Variants in NHEJ1 observed in about 807,000 individuals in gnomAD.
The protein encoded by NHEJ1 is non-homologous end-joining factor 1.
Under a neutral mutation model 39.4 loss-of-function variants are expected in NHEJ1, and 22 were observed. The ratio of observed to expected loss-of-function variants is 0.56; its 90% CI spans 0.40 to 0.80. The LOEUF is 0.80. Ranked by LOEUF, NHEJ1 falls within the 30% of genes least tolerant of loss-of-function variation. The pLI is 0.00. For synonymous variants in NHEJ1, 154 were observed against 135.6 expected (o/e 1.14, Z -0.94); for missense variants, 329 against 357.1 (o/e 0.92, Z 0.63).
intron 5 of NHEJ1, among the ~76,000 whole-genome samples, chr2:219,120,825 C>T (rs1949464348): frequency 6.6e-6 from 1 of 152,122 alleles, no homozygotes; most frequent in African/African-American, 2.4e-5. Flanking sequence ...AATCTTAGGG[C>T]TAGCCATGTC....
At chr2:219,141,685 C>T (rs1398324323) in intron 5 of NHEJ1, among the ~76,000 whole-genome samples, 2 of 151,942 alleles carry the variant, frequency 1.3e-5, no homozygotes, top group African/African-American at 2.4e-5. Flanking sequence ...GCCAAACATG[C>T]AGAAAGAAAT....
intron 3 of NHEJ1, among the ~76,000 whole-genome samples, chr2:219,153,550 A>G (rs890263357): frequency 6.6e-6 from 1 of 152,262 alleles, no homozygotes; most frequent in Non-Finnish European, 1.5e-5. Context: ...TAGAACCCAG[A>G]GACCTGGGGC....
chr2:219,097,024 G>T (rs1011285409), intron 5 of NHEJ1, among the ~76,000 whole-genome samples: 1 of 152,120 alleles, frequency 6.6e-6, no homozygotes, highest in African/African-American at 2.4e-5. Context: ...CTTTACAATG[G>T]TGTGAAAGTG....
At chr2:219,136,350 G>A (rs1255199395) in intron 5 of NHEJ1, among the ~76,000 whole-genome samples, 1 of 144,950 alleles carries the variant, frequency 6.9e-6, no homozygotes, top group African/African-American at 2.6e-5. Context: ...GTGCAGTGAT[G>A]CAATCTTGGC....
intron 3 of NHEJ1, among the ~76,000 whole-genome samples, chr2:219,149,606 A>T (rs1276486212): frequency 3.9e-5 from 6 of 152,192 alleles, no homozygotes; most frequent in Admixed American, 3.3e-4. Flanking sequence ...ACAGAACAAG[A>T]TCCTGTCTCA....
intron 5 of NHEJ1, among the ~76,000 whole-genome samples, chr2:219,120,519 A>G (rs755945604): frequency 1.3e-5 from 2 of 152,196 alleles, no homozygotes. Context: ...CTTTCTGGCT[A>G]TGTTTTTTCC....
At position 219,158,310 on chromosome 2, in the gene NHEJ1, A is replaced by AGGTAGG; in HGVS notation, c.52_53insCCTACC (p.Gln17_Leu18insProTyr). The AGGTAGG allele has an allele frequency of 6.2e-7, 1 of 1,614,240 alleles. No individual in the cohort carries two copies. Among genetic ancestry groups the AGGTAGG allele is most frequent in the Non-Finnish European group, 8.5e-7 (1 of 1,180,054 alleles). ...CTTGGCCAAGAGGGAGTTCTCTGCA[A>AGGTAGG]GCTGTAGCCACGCCCATGGCTGCAT... On this transcript the variant is annotated inframe_insertion, in exon 2 of 8. Transcript: ENST00000356853.
chr2:219,144,027 C>T (rs960676195), intron 5 of NHEJ1, among the ~76,000 whole-genome samples: 1 of 152,082 alleles, frequency 6.6e-6, no homozygotes, highest in Admixed American at 6.5e-5. Flanking sequence ...ATGGTAAAAC[C>T]CTGTCTCTAC....
chr2:219,103,315 G>A (rs947270326), intron 5 of NHEJ1, among the ~76,000 whole-genome samples: 4 of 149,272 alleles, frequency 2.7e-5, no homozygotes, highest in Non-Finnish European at 3.0e-5. Flanking sequence ...TTGCTCTGTC[G>A]CCCAGGCTGG....
At chr2:219,121,372 T>G (rs890233084) in intron 5 of NHEJ1, among the ~76,000 whole-genome samples, 1 of 152,230 alleles carries the variant, frequency 6.6e-6, no homozygotes, top group African/African-American at 2.4e-5. Context: ...CTATCCTATA[T>G]GTGTTAATTT....
intron 5 of NHEJ1, among the ~76,000 whole-genome samples, chr2:219,078,689 G>A (rs929645113): frequency 6.6e-6 from 1 of 152,194 alleles, no homozygotes; most frequent in African/African-American, 2.4e-5. Flanking sequence ...AGGCAGAGGA[G>A]ACAGGAAAAA....
rs535313844 is a variant in NHEJ1, at chr2:219,117,535, G to A, written c.588+29145C>T. ...GAATCAGCCAGAATGTTGGGGAAAC[G>A]CACAAGTAAACACAGGTGTCAGGTT... On this transcript the variant is annotated intron_variant, in intron 5 of 7. Coordinates refer to ENST00000356853, the MANE Select transcript of NHEJ1 (RefSeq NM_024782.3). 4.1e-4 allele frequency among the ~76,000 whole-genome samples: 63 copies of A among 152,330 alleles called. 2 individuals carry two copies. In the South Asian group the frequency reaches 0.012, roughly 29 times the overall value.
chr2:219,079,950 G>A (rs1424431377), intron 5 of NHEJ1, among the ~76,000 whole-genome samples: 1 of 152,198 alleles, frequency 6.6e-6, no homozygotes, highest in Non-Finnish European at 1.5e-5. Context: ...ACATAAATGG[G>A]TTAGGCAGAA....
rs1430013196 is a variant in NHEJ1 at position 219,070,233 on chromosome 2, G to A, written c.*6148C>T. 2.6e-5 allele frequency among the ~76,000 whole-genome samples: 4 copies of A among 151,988 alleles called. No individual in the cohort carries two copies. The highest frequency in any genetic ancestry group is 9.7e-5 in the African/African-American group (4 of 41,376). ...ATGGAGTCTTGCTCTGTCGCCCAGG[G>A]TGGAGTGCAGTGGCACGATCTCAGC... is the stretch of plus-strand genomic sequence containing the variant. On this transcript the variant is annotated 3_prime_UTR_variant, in exon 8 of 8. Coordinates refer to ENST00000356853, the MANE Select transcript of NHEJ1 (RefSeq NM_024782.3).
intron 5 of NHEJ1, among the ~76,000 whole-genome samples, chr2:219,107,060 T>C (rs900927443): frequency 6.6e-6 from 1 of 152,158 alleles, no homozygotes; most frequent in Non-Finnish European, 1.5e-5. Context: ...ATATAGAAGA[T>C]ATGGTGTCCT....
At chr2:219,116,014 G>C (rs951031287) in intron 5 of NHEJ1, among the ~76,000 whole-genome samples, 3 of 148,444 alleles carry the variant, frequency 2.0e-5, no homozygotes, top group Non-Finnish European at 4.5e-5. Flanking sequence ...CAGCTACTCG[G>C]AGGGCTGAGG....
At chr2:219,082,461 C>T (rs1050325064) in intron 5 of NHEJ1, among the ~76,000 whole-genome samples, 6 of 152,320 alleles carry the variant, frequency 3.9e-5, no homozygotes, top group Non-Finnish European at 2.9e-5. Context: ...TTCCAATTAG[C>T]ATTTTCAACT....
intron 5 of NHEJ1, among the ~76,000 whole-genome samples, chr2:219,105,829 G>A (rs941160435): frequency 3.3e-5 from 5 of 152,146 alleles, no homozygotes; most frequent in Admixed American, 2.0e-4. Context: ...CCCATGGTAC[G>A]TTACTTGGAC....
At chr2:219,130,122 T>C (rs1949564474) in intron 5 of NHEJ1, among the ~76,000 whole-genome samples, 1 of 151,340 alleles carries the variant, frequency 6.6e-6, no homozygotes. Context: ...CCACAAAACA[T>C]CAGGCTTTTA....
Sources: gnomAD v4.1 joint callset for allele counts (sites outside exome capture counted in the v4.1 genomes callset) on GRCh38, gnomAD v4.1.1 for gene constraint, MANE v1.5 for transcripts, NCBI Gene and HGNC (gene_info 2026-07-23, HGNC 2026-07-21) for gene names.